The following CACNA1C variants were observed in gnomAD, a reference collection of about 807,000 sequenced individuals.
CACNA1C encodes the protein calcium voltage-gated channel subunit alpha1 C.
Under a neutral mutation model 229.0 loss-of-function variants are expected in CACNA1C, and 30 were observed. The observed-to-expected ratio is 0.13, with a 90% CI of 0.10 to 0.18. CACNA1C has a LOEUF of 0.18. Among genes scored for constraint, CACNA1C ranks in the 10% least tolerant of loss-of-function variants. CACNA1C has a pLI of 1.00. For missense variants in CACNA1C, 1,658 were observed against 2,845.0 expected (o/e 0.58, Z 9.49); for synonymous variants, 1,114 against 1,132.5 (o/e 0.98, Z 0.33).
intron 5 of CACNA1C, among the ~76,000 whole-genome samples, chr12:2,473,632 C>T (rs1481375127): frequency 6.6e-5 from 10 of 152,046 alleles, no homozygotes; most frequent in Admixed American, 1.3e-4. Context: ...ATCCAATGTC[C>T]ACCTTTTAAA....
intron 3 of CACNA1C, among the ~76,000 whole-genome samples, chr12:2,435,281 C>T (rs2099123565): frequency 6.6e-6 from 1 of 152,250 alleles, no homozygotes; most frequent in Non-Finnish European, 1.5e-5. Context: ...TCTCCAAATC[C>T]TTAAACTGCC....
chr12:2,370,288 T>G (rs1205955082), intron 3 of CACNA1C, among the ~76,000 whole-genome samples: 3 of 152,224 alleles, frequency 2.0e-5, no homozygotes, highest in Non-Finnish European at 4.4e-5. Flanking sequence ...CTGGAAACAA[T>G]TTAGCAATGC....
rs2099792279 is a variant in CACNA1C, at chr12:2,514,642, C to T, written c.1390+1658C>T. Among the ~76,000 whole-genome samples the T allele has an allele frequency of 2.0e-5, 3 of 152,132 alleles. No homozygotes were observed. In the South Asian group the frequency reaches 6.2e-4, roughly 31 times the overall value. ...GAATTTGTATGCTGGCTCCTGGCTCCACCCTAAGTCAGAGCACTGGTGCTA... is the reference window on the plus strand; with the variant it reads ...GAATTTGTATGCTGGCTCCTGGCTCTACCCTAAGTCAGAGCACTGGTGCTA... On this transcript the variant is annotated intron_variant, in intron 9 of 46. Transcript: ENST00000399655.
At position 2,602,509 on chromosome 12, in the gene CACNA1C, GTGTA is replaced by G. The variant is rs1437723343; in HGVS notation, c.2960+557_2960+560del. On this transcript the variant is annotated intron_variant, in intron 22 of 46. Transcript: ENST00000399655. This position sits in a 1 kb window ranked among gnomAD's most constrained non-coding sequence, Gnocchi z 4.4. ...TGTGTTTGTGGCTGTGTGTATGTGT[GTGTA>G]TGTATGTGTTTGTGTTTGTGTCTGC... 2.6e-5 allele frequency among the ~76,000 whole-genome samples: 4 copies of G among 152,070 alleles called. No homozygotes were observed. The highest frequency in any genetic ancestry group is 4.8e-5 in the African/African-American group (2 of 41,390).
At chr12:2,476,418 C>G (rs2099628788) in intron 5 of CACNA1C, among the ~76,000 whole-genome samples, 1 of 152,176 alleles carries the variant, frequency 6.6e-6, no homozygotes, top group Non-Finnish European at 1.5e-5. Context: ...CTTACCTAAG[C>G]CTCATTTCTT....
intron 3 of CACNA1C, among the ~76,000 whole-genome samples, chr12:2,246,471 G>T (rs751845340): frequency 6.6e-6 from 1 of 152,160 alleles, no homozygotes; most frequent in Non-Finnish European, 1.5e-5. Flanking sequence ...TGCCTGAAAC[G>T]TGTTTCTGAG....
intron 4 of CACNA1C, among the ~76,000 whole-genome samples, chr12:2,450,327 G>A (rs1190809655): frequency 6.6e-6 from 1 of 151,994 alleles, no homozygotes; most frequent in Non-Finnish European, 1.5e-5. Context: ...GGCCAAGGCG[G>A]GCGGATCACG....
intron 30 of CACNA1C, among the ~76,000 whole-genome samples, chr12:2,640,463 C>T (rs1398414307): frequency 2.0e-5 from 3 of 152,216 alleles, no homozygotes; most frequent in Admixed American, 2.0e-4. Flanking sequence ...CCCTGGGATG[C>T]TCAGACAGAA....
At chr12:2,528,277 G>A (rs1262590383) in intron 9 of CACNA1C, among the ~76,000 whole-genome samples, 1 of 152,174 alleles carries the variant, frequency 6.6e-6, no homozygotes. Flanking sequence ...GTCAGTAAAA[G>A]CCCCTTCCAG....
At chr12:2,314,284 A>G (rs905839567) in intron 3 of CACNA1C, among the ~76,000 whole-genome samples, 4 of 152,142 alleles carry the variant, frequency 2.6e-5, no homozygotes, top group Admixed American at 1.3e-4. Flanking sequence ...TAACATTTCT[A>G]TCTCACTGAG....
At chr12:2,179,910 T>G (rs1298410971) in intron 3 of CACNA1C, among the ~76,000 whole-genome samples, 1 of 152,228 alleles carries the variant, frequency 6.6e-6, no homozygotes, top group East Asian at 1.9e-4. Context: ...ATGCTCTTTC[T>G]CTGCTTCAAA....
intron 3 of CACNA1C, among the ~76,000 whole-genome samples, chr12:2,363,276 C>G (rs1008311461): frequency 2.0e-5 from 3 of 152,188 alleles, no homozygotes; most frequent in African/African-American, 7.2e-5. Context: ...CCCTGGAAAC[C>G]CACCTTGTCT....
intron 3 of CACNA1C, among the ~76,000 whole-genome samples, chr12:2,335,120 A>ACCTT (rs2096653008): frequency 6.6e-6 from 1 of 152,042 alleles, no homozygotes; most frequent in African/African-American, 2.4e-5. Context: ...AGCCACACAT[A>ACCTT]GTGCCATTTT....
At chr12:2,311,841 G>A (rs2095452817) in intron 3 of CACNA1C, among the ~76,000 whole-genome samples, 3 of 152,208 alleles carry the variant, frequency 2.0e-5, no homozygotes, top group Admixed American at 2.0e-4. Flanking sequence ...GGATGGTGAT[G>A]ATGATTGCAT....
intron 3 of CACNA1C, among the ~76,000 whole-genome samples, chr12:2,166,903 C>A (rs2096261771): frequency 6.6e-6 from 1 of 152,172 alleles, no homozygotes. Context: ...CTCTGCAGTG[C>A]CTGCGCCCTC....
chr12:2,262,154 T>C (rs1364126323), intron 3 of CACNA1C, among the ~76,000 whole-genome samples: 4 of 152,312 alleles, frequency 2.6e-5, no homozygotes, highest in Non-Finnish European at 5.9e-5. Context: ...AGCTTGTCAG[T>C]TCAACCCAGG....
chr12:2,072,831 T>C (rs559491070), intron 1 of CACNA1C, among the ~76,000 whole-genome samples: 23 of 152,268 alleles, frequency 1.5e-4, no homozygotes, highest in African/African-American at 5.3e-4. Flanking sequence ...CAGTCAACAA[T>C]CAATCAATCC....
Position 2,678,679 on chromosome 12 carries a change from A to C in CACNA1C, c.5092-765A>C, listed in dbSNP as rs1406044445. On this transcript the variant is annotated intron_variant, in intron 41 of 46. Coordinates refer to ENST00000399655, the MANE Select transcript of CACNA1C (RefSeq NM_000719.7). This position sits in a 1 kb window ranked among gnomAD's most constrained non-coding sequence, Gnocchi z 4.1. ...CCTGCTCCGTCTCTTCCTCATCCTTATTCTTGTCACTGGGAGACATTCGTC... is the reference window on the plus strand; with the variant it reads ...CCTGCTCCGTCTCTTCCTCATCCTTCTTCTTGTCACTGGGAGACATTCGTC... Among the ~76,000 whole-genome samples the C allele has an allele frequency of 6.6e-6, 1 of 152,130 alleles. No individual in the cohort carries two copies.
intron 1 of CACNA1C, chr12:1,992,733 A>G (rs530206660): frequency 5.8e-6 from 1 of 172,970 alleles, no homozygotes. Flanking sequence ...CGACTTCCAC[A>G]TTACAAAGGG....
Sources: gnomAD v4.1 joint callset for allele counts (sites outside exome capture counted in the v4.1 genomes callset) on GRCh38, gnomAD v4.1.1 for gene constraint, Gnocchi (gnomAD v3.1) non-coding constraint, MANE v1.5 for transcripts, NCBI Gene and HGNC (gene_info 2026-07-23, HGNC 2026-07-21) for gene names.